The following PDE3B variants were observed in gnomAD, a reference collection of about 807,000 sequenced individuals.
PDE3B encodes cGMP-inhibited 3',5'-cyclic phosphodiesterase 3B.
PDE3B carries 66 observed loss-of-function variants against 116.8 expected under a neutral mutation model. That is an observed-to-expected ratio of 0.56 (90% confidence interval 0.46 to 0.69). PDE3B has a LOEUF of 0.69. Among genes scored for constraint, PDE3B ranks in the 30% least tolerant of loss-of-function variants. PDE3B has a pLI of 0.00. For missense variants in PDE3B, 1,384 were observed against 1,368.1 expected (o/e 1.01, Z -0.18); for synonymous variants, 595 against 533.6 (o/e 1.12, Z -1.59).
At chr11:14,730,656 A>T (rs532042004) in intron 1 of PDE3B, among the ~76,000 whole-genome samples, 1 of 152,336 alleles carries the variant, frequency 6.6e-6, no homozygotes, top group South Asian at 2.1e-4. Context: ...AATAGCAAAC[A>T]TACTAATAGT....
chr11:14,814,085 A>T (rs1413524619), intron 5 of PDE3B, among the ~76,000 whole-genome samples: 2 of 152,188 alleles, frequency 1.3e-5, no homozygotes, highest in Non-Finnish European at 2.9e-5. Flanking sequence ...ATAAAAAATT[A>T]TAAGCAAATT....
At chr11:14,734,353 G>A (rs1856541349) in intron 1 of PDE3B, among the ~76,000 whole-genome samples, 1 of 152,236 alleles carries the variant, frequency 6.6e-6, no homozygotes, top group Admixed American at 6.5e-5. Flanking sequence ...TTACAGGCAT[G>A]AGCCACTGCA....
At chr11:14,813,194 T>C (rs774173545) in intron 5 of PDE3B, among the ~76,000 whole-genome samples, 1 of 152,228 alleles carries the variant, frequency 6.6e-6, no homozygotes, top group Non-Finnish European at 1.5e-5. Context: ...AATTACCATA[T>C]GCTTAGTGAC....
At chr11:14,838,208 C>T (rs369051612) in intron 11 of PDE3B, among the ~76,000 whole-genome samples, 9 of 151,736 alleles carry the variant, frequency 5.9e-5, no homozygotes, top group East Asian at 1.9e-4. Context: ...CTCGATCTCC[C>T]GACCTCGTGA....
chr11:14,818,853 C>T (rs775106051), intron 6 of PDE3B, among the ~76,000 whole-genome samples: 9 of 151,986 alleles, frequency 5.9e-5, no homozygotes, highest in Non-Finnish European at 8.8e-5. Flanking sequence ...ACTTTAGTAC[C>T]TATTCATAGT....
intron 7 of PDE3B, among the ~76,000 whole-genome samples, chr11:14,820,935 T>C (rs1353826696): frequency 6.6e-6 from 1 of 152,168 alleles, no homozygotes; most frequent in African/African-American, 2.4e-5. Flanking sequence ...CATTTTACAA[T>C]GGGTAGATTT....
At chr11:14,745,063 G>A (rs957864280) in intron 1 of PDE3B, among the ~76,000 whole-genome samples, 4 of 152,038 alleles carry the variant, frequency 2.6e-5, no homozygotes, top group African/African-American at 7.2e-5. Context: ...GAGATCAAGC[G>A]ATCCTCCCAC....
intron 1 of PDE3B, among the ~76,000 whole-genome samples, chr11:14,752,168 A>G (rs984442276): frequency 2.6e-5 from 4 of 152,190 alleles, no homozygotes; most frequent in Admixed American, 6.5e-5. Context: ...AAGGTTACCA[A>G]TAACCTCATG....
chr11:14,790,715 A>C (rs985910853), intron 4 of PDE3B, among the ~76,000 whole-genome samples: 1 of 152,128 alleles, frequency 6.6e-6, no homozygotes, highest in Non-Finnish European at 1.5e-5. Flanking sequence ...AATATTTAGA[A>C]ATTTGGAGAA....
intron 12 of PDE3B, among the ~76,000 whole-genome samples, chr11:14,852,255 C>A (rs947349029): frequency 1.3e-5 from 2 of 152,052 alleles, no homozygotes; most frequent in African/African-American, 4.8e-5. Context: ...AGGGTTTCAC[C>A]ATGTTGACCA....
the PDE3B span, among the ~76,000 whole-genome samples, chr11:14,882,173 A>C: frequency 2.0e-5 from 3 of 152,108 alleles, no homozygotes; most frequent in Non-Finnish European, 4.4e-5. Flanking sequence ...TGTTCCAGGC[A>C]ATGTTCTAAG....
At chr11:14,724,526 G>C (rs1856225771) in intron 1 of PDE3B, among the ~76,000 whole-genome samples, 2 of 152,138 alleles carry the variant, frequency 1.3e-5, no homozygotes, top group Admixed American at 1.3e-4. Flanking sequence ...CTCATTTGGA[G>C]CATTTCAGAT....
chr11:14,892,705 G>C, the PDE3B span, among the ~76,000 whole-genome samples: 1 of 152,182 alleles, frequency 6.6e-6, no homozygotes, highest in Admixed American at 6.5e-5. Context: ...AGTAGTAAAA[G>C]AAAGTAATTT....
Position 14,644,413 on chromosome 11 carries a change from G to C in PDE3B, c.338G>C (p.Ser113Thr), listed in dbSNP as rs769447481. ...AGAAWLRTLL[S>T]VCSHSLSPLF... is the part of the protein sequence containing the mutation. ...GCCGCCTGGCTGCGGACGCTGCTGAGCGTGTGTTCGCACAGCTTGAGCCCC... is the reference window on the plus strand; with the variant it reads ...GCCGCCTGGCTGCGGACGCTGCTGACCGTGTGTTCGCACAGCTTGAGCCCC... The change falls in exon 1 of 16, where the codon AGC becomes ACC. Residue 113 changes from serine to threonine, a missense_variant. Physicochemically the swap from Ser to Thr is moderately conservative, Grantham distance 58. Around this residue, in one of 2 missense-constraint regions of PDE3B, gnomAD observed 956 missense variants for 806.8 expected, o/e 1.18. Transcript: ENST00000282096. The C allele has an allele frequency of 1.2e-6, 2 of 1,610,496 alleles. No individual in the cohort carries two copies. Among genetic ancestry groups the C allele is most frequent in the South Asian group, 1.1e-5 (1 of 90,618 alleles).
intron 12 of PDE3B, among the ~76,000 whole-genome samples, chr11:14,858,577 C>T (rs1555006526): frequency 6.6e-6 from 1 of 152,172 alleles, no homozygotes; most frequent in Non-Finnish European, 1.5e-5. Flanking sequence ...CTCTTACTTA[C>T]CCTGGACAGT....
intron 1 of PDE3B, among the ~76,000 whole-genome samples, chr11:14,688,097 T>TTCTC (rs1189714115): frequency 8.5e-4 from 99 of 115,824 alleles, no homozygotes; most frequent in African/African-American, 3.7e-3. Flanking sequence ...CTTTCTTTCT[T>TTCTC]TCTCTCTCTC....
chr11:14,819,167 A>C lies in PDE3B; in HGVS notation c.1765A>C (p.Thr589Pro). Residue 589 changes from threonine (T) to proline (P), a missense_variant, in exon 7 of 16, where the codon ACA becomes CCA. This residue lies in a region of PDE3B where 956 missense variants were observed against 806.8 expected (regional missense o/e 1.18). Transcript: ENST00000282096. ...CGHQMLKYVS[T>P]SESDGTDCCS... ...ACATCAAATGCTGAAATATGTTTCA[A>C]CATCTGAATCAGATGGTACAGATTG... 1 of 1,597,848 alleles carries C rather than the reference A, an allele frequency of 6.3e-7. No homozygotes were observed. The highest frequency in any genetic ancestry group is 8.6e-7 in the Non-Finnish European group (1 of 1,168,870).
chr11:14,760,996 A>G (rs910498419), intron 1 of PDE3B, among the ~76,000 whole-genome samples: 4 of 152,112 alleles, frequency 2.6e-5, no homozygotes, highest in African/African-American at 9.7e-5. Context: ...CTGTTATCCT[A>G]TACTAGAACT....
intron 1 of PDE3B, among the ~76,000 whole-genome samples, chr11:14,700,301 A>G (rs1855326048): frequency 6.6e-6 from 1 of 151,754 alleles, no homozygotes; most frequent in Admixed American, 6.6e-5. Flanking sequence ...ACAAAAGTCT[A>G]ATATTTGGAT....
Sources: gnomAD v4.1 joint callset for allele counts (sites outside exome capture counted in the v4.1 genomes callset) on GRCh38, gnomAD v4.1.1 for gene constraint, gnomAD v4.1.1 regional missense constraint, MANE v1.5 for transcripts, NCBI Gene and HGNC (gene_info 2026-07-23, HGNC 2026-07-21) for gene names.